MEI4: variants seen among roughly 807,000 people sequenced by gnomAD.
The protein encoded by MEI4 is meiotic double-stranded break formation protein 4.
MEI4 carries 27 observed loss-of-function variants against 31.4 expected under a neutral mutation model. The observed-to-expected ratio is 0.86, with a 90% CI of 0.63 to 1.19. The LOEUF is 1.19. Among genes scored for constraint, MEI4 ranks in the 50% most tolerant of loss-of-function variants. The pLI is 0.00. For missense variants in MEI4, 329 were observed against 398.9 expected, an observed-to-expected ratio of 0.82 and a Z score of 1.49; for synonymous variants, 122 against 145.4, an observed-to-expected ratio of 0.84 and a Z score of 1.16.
chr6:77,920,484 C>G (rs1046488251), intron 4 of MEI4, among the ~76,000 whole-genome samples: 2 of 151,918 alleles, frequency 1.3e-5, no homozygotes, highest in Admixed American at 1.3e-4. Context: ...CCACTGAAGT[C>G]TTGAAGCCAT....
chr6:77,812,537 T>G (rs185838599), intron 3 of MEI4, among the ~76,000 whole-genome samples: 1 of 152,218 alleles, frequency 6.6e-6, no homozygotes, highest in Admixed American at 6.6e-5. Flanking sequence ...CTGTCCTTGA[T>G]GTTACTTGTA....
At chr6:77,752,268 G>T (rs58468346) in intron 2 of MEI4, among the ~76,000 whole-genome samples, 8,636 of 152,168 alleles carry the variant, frequency 0.057, 676 homozygotes, top group African/African-American at 0.17. Context: ...GTTCTGGCCA[G>T]GGCAATCAGG....
At chr6:77,796,993 T>A (rs1302885396) in intron 3 of MEI4, among the ~76,000 whole-genome samples, 2 of 152,156 alleles carry the variant, frequency 1.3e-5, no homozygotes, top group Non-Finnish European at 2.9e-5. Context: ...AAAGCAGACA[T>A]GTAGACCAAG....
rs1468843081 is a variant in MEI4, at chr6:77,713,803, C to G, written c.232+22900C>G. ...AATTTTCAGTGTTCTTCCCCTTCCA[C>G]AATGAGCTTTGTGATTTCTGTCATC... On this transcript the variant is annotated intron_variant, in intron 2 of 4. Coordinates refer to ENST00000684080, the MANE Select transcript of MEI4 (RefSeq NM_001322247.2). Among the ~76,000 whole-genome samples the G allele has an allele frequency of 1.6e-4, 25 of 152,208 alleles. 1 individual carries two copies. Among genetic ancestry groups the G allele is most frequent in the Non-Finnish European group, 1.3e-4 (9 of 68,030 alleles).
intron 3 of MEI4, among the ~76,000 whole-genome samples, chr6:77,778,768 G>A (rs562923732): frequency 6.6e-6 from 1 of 151,988 alleles, no homozygotes; most frequent in East Asian, 1.9e-4. Flanking sequence ...GTAAGTATTA[G>A]GGGGAGAATG....
intron 3 of MEI4, among the ~76,000 whole-genome samples, chr6:77,822,617 C>G (rs933545320): frequency 1.3e-5 from 2 of 149,834 alleles, no homozygotes; most frequent in African/African-American, 4.9e-5. Flanking sequence ...TGGATACCCC[C>G]CCCCCCTTTT....
intron 2 of MEI4, among the ~76,000 whole-genome samples, chr6:77,728,128 T>G: frequency 7.2e-6 from 1 of 138,254 alleles, no homozygotes; most frequent in African/African-American, 2.5e-5. Context: ...ATAGTAAACA[T>G]TCAATTTAGA....
intron 4 of MEI4, among the ~76,000 whole-genome samples, chr6:77,893,532 G>C (rs910958788): frequency 5.3e-5 from 8 of 152,092 alleles, no homozygotes; most frequent in Admixed American, 5.2e-4. Context: ...CATATGTAAC[G>C]CTACCATGAA....
intron 2 of MEI4, among the ~76,000 whole-genome samples, chr6:77,744,045 T>C (rs1484773501): frequency 1.3e-5 from 2 of 151,862 alleles, no homozygotes; most frequent in East Asian, 1.9e-4. Context: ...AACTGGAAAC[T>C]CTAAAAAGCA....
At chr6:77,754,717 A>C (rs554046555) in intron 2 of MEI4, among the ~76,000 whole-genome samples, 84 of 152,336 alleles carry the variant, frequency 5.5e-4, no homozygotes, top group African/African-American at 1.9e-3. Flanking sequence ...TCACATTTCC[A>C]CATGGCTGGG....
intron 3 of MEI4, among the ~76,000 whole-genome samples, chr6:77,801,052 A>G (rs894298983): frequency 1.7e-4 from 26 of 152,066 alleles, no homozygotes; most frequent in Non-Finnish European, 1.0e-4. Flanking sequence ...GATTGGAATA[A>G]TTTCAGAAGG....
chr6:77,698,200 TG>T (rs781469448), intron 2 of MEI4, among the ~76,000 whole-genome samples: 1 of 152,132 alleles, frequency 6.6e-6, no homozygotes, highest in Admixed American at 6.5e-5. Context: ...AGCACACTGA[TG>T]GGTCTTGACT....
intron 4 of MEI4, among the ~76,000 whole-genome samples, chr6:77,898,948 G>A (rs1369023673): frequency 2.0e-5 from 3 of 151,984 alleles, no homozygotes; most frequent in African/African-American, 7.2e-5. Context: ...ATGGAAGAAG[G>A]GAACTCTGGC....
chr6:77,782,227 A>T (rs1359755291), intron 3 of MEI4, among the ~76,000 whole-genome samples: 2 of 152,126 alleles, frequency 1.3e-5, no homozygotes, highest in Non-Finnish European at 2.9e-5. Context: ...AGAGAAGGGG[A>T]GAACTTGAGT....
chr6:77,903,989 A>G (rs1357854089), intron 4 of MEI4, among the ~76,000 whole-genome samples: 1 of 152,130 alleles, frequency 6.6e-6, no homozygotes, highest in Admixed American at 6.6e-5. Context: ...ATTGGCTAAT[A>G]TATTTTTTAT....
At chr6:77,788,553 A>G (rs548688552) in intron 3 of MEI4, among the ~76,000 whole-genome samples, 1 of 152,310 alleles carries the variant, frequency 6.6e-6, no homozygotes, top group East Asian at 1.9e-4. Flanking sequence ...ACTTCAGCAA[A>G]GTCTCAGGAT....
intron 2 of MEI4, among the ~76,000 whole-genome samples, chr6:77,749,366 CT>C (rs1189375306): frequency 6.6e-6 from 1 of 152,048 alleles, no homozygotes; most frequent in Non-Finnish European, 1.5e-5. Context: ...AGCTGAGAAC[CT>C]TGATAAAAGG....
chr6:77,694,719 AC>A (rs1473417116), intron 2 of MEI4, among the ~76,000 whole-genome samples: 1 of 152,066 alleles, frequency 6.6e-6, no homozygotes, highest in African/African-American at 2.4e-5. Context: ...GCCTCAATAA[AC>A]ATACGTGTGC....
At position 77,899,760 on chromosome 6, in the gene MEI4, T is replaced by A. The variant is rs118136173; in HGVS notation, c.901-23329T>A. Among the ~76,000 whole-genome samples the A allele has an allele frequency of 5.4e-3, 822 of 152,226 alleles. 4 individuals carry two copies. Among genetic ancestry groups the A allele is most frequent in the Middle Eastern group, 0.017 (5 of 294 alleles). On this transcript the variant is annotated intron_variant, in intron 4 of 4. Coordinates refer to ENST00000684080, the MANE Select transcript of MEI4 (RefSeq NM_001322247.2). Reference sequence around the variant, plus strand: ...AATGACAGTATTTTATTCTGTTTTATGACTGAATAGTATTCCACACACAGA... The same window carrying A: ...AATGACAGTATTTTATTCTGTTTTAAGACTGAATAGTATTCCACACACAGA...
Sources: allele counts gnomAD v4.1 joint callset (sites outside exome capture counted in the v4.1 genomes callset), GRCh38; gene constraint gnomAD v4.1.1; transcripts MANE v1.5; gene names NCBI Gene and HGNC (gene_info 2026-07-23, HGNC 2026-07-21).